The following PDGFD variants were observed in gnomAD, a reference collection of about 807,000 sequenced individuals.
PDGFD encodes platelet-derived growth factor D.
Under a neutral mutation model 44.7 loss-of-function variants are expected in PDGFD, and 30 were observed. The ratio of observed to expected loss-of-function variants is 0.67; its 90% CI spans 0.50 to 0.91. PDGFD has a LOEUF of 0.91. Ranked by LOEUF, PDGFD falls within the 40% of genes least tolerant of loss-of-function variation. The pLI is 0.00. For missense variants in PDGFD, 445 were observed against 457.8 expected (o/e 0.97, Z 0.25); for synonymous variants, 173 against 168.4 (o/e 1.03, Z -0.21).
At chr11:104,143,896 C>A (rs946825401) in intron 1 of PDGFD, among the ~76,000 whole-genome samples, 11 of 152,184 alleles carry the variant, frequency 7.2e-5, no homozygotes, top group Non-Finnish European at 1.6e-4. Flanking sequence ...GCTTAAATTT[C>A]TATCCTTTTT....
intron 1 of PDGFD, among the ~76,000 whole-genome samples, chr11:104,139,873 TAAAAAAA>T (rs1193661913): frequency 1.0e-4 from 2 of 19,866 alleles, no homozygotes; most frequent in Admixed American, 5.4e-4. Flanking sequence ...CCGTCTCTAC[TAAAAAAA>T]AAAAAAAAAA....
At chr11:103,953,221 T>C (rs552174714) in intron 3 of PDGFD, among the ~76,000 whole-genome samples, 298 of 148,628 alleles carry the variant, frequency 2.0e-3, no homozygotes, top group African/African-American at 6.9e-3. Context: ...CAAAATGTTA[T>C]ATAAATCTAA....
chr11:103,962,686 A>G (rs1348499506), intron 3 of PDGFD, among the ~76,000 whole-genome samples: 1 of 152,192 alleles, frequency 6.6e-6, no homozygotes, highest in African/African-American at 2.4e-5. Context: ...CAATTGAATT[A>G]CATATGGAAC....
intron 3 of PDGFD, among the ~76,000 whole-genome samples, chr11:103,987,663 T>G (rs1375427690): frequency 1.3e-5 from 2 of 152,342 alleles, no homozygotes; most frequent in African/African-American, 4.8e-5. Flanking sequence ...AAACTGCTAC[T>G]TTTGAGTCCT....
intron 6 of PDGFD, among the ~76,000 whole-genome samples, chr11:103,915,888 T>C (rs1312642257): frequency 6.6e-6 from 1 of 152,160 alleles, no homozygotes; most frequent in East Asian, 1.9e-4. Flanking sequence ...TGGCTAGCCA[T>C]ATGCAGAAAG....
At chr11:104,135,250 C>G (rs1591181416) in intron 1 of PDGFD, among the ~76,000 whole-genome samples, 1 of 152,104 alleles carries the variant, frequency 6.6e-6, no homozygotes, top group Non-Finnish European at 1.5e-5. Context: ...CTGGTATTGG[C>G]TGTTATGTGG....
At chr11:104,073,206 C>G (rs1187226177) in intron 1 of PDGFD, among the ~76,000 whole-genome samples, 1 of 152,010 alleles carries the variant, frequency 6.6e-6, no homozygotes, top group Admixed American at 6.6e-5. Flanking sequence ...TTCATGCTAC[C>G]AATTTTCTAG....
intron 1 of PDGFD, among the ~76,000 whole-genome samples, chr11:104,024,919 G>A (rs896087333): frequency 1.3e-5 from 2 of 152,186 alleles, no homozygotes; most frequent in African/African-American, 4.8e-5. Flanking sequence ...AAGCTATATT[G>A]CTCAATTTAA....
chr11:104,012,912 G>A (rs923656448), intron 1 of PDGFD, among the ~76,000 whole-genome samples: 2 of 152,190 alleles, frequency 1.3e-5, no homozygotes, highest in South Asian at 2.1e-4. Context: ...AGAAGAGCAC[G>A]TTTCCCCTGC....
chr11:104,102,183 C>T (rs1351672353), intron 1 of PDGFD, among the ~76,000 whole-genome samples: 1 of 152,144 alleles, frequency 6.6e-6, no homozygotes, highest in African/African-American at 2.4e-5. Flanking sequence ...ACTCATCTGA[C>T]AAAGGGCTAA....
intron 1 of PDGFD, among the ~76,000 whole-genome samples, chr11:104,093,816 C>T (rs1386742828): frequency 2.0e-5 from 3 of 150,882 alleles, no homozygotes; most frequent in Non-Finnish European, 3.0e-5. Context: ...CTGAATCCCA[C>T]TCTTTGGCTT....
At chr11:104,152,517 C>A (rs1398082124) in intron 1 of PDGFD, among the ~76,000 whole-genome samples, 1 of 152,094 alleles carries the variant, frequency 6.6e-6, no homozygotes, top group Non-Finnish European at 1.5e-5. Flanking sequence ...CTTGTTTCCT[C>A]ATCCTTAATT....
At chr11:103,982,866 G>C (rs115979304) in intron 3 of PDGFD, among the ~76,000 whole-genome samples, 2,514 of 151,402 alleles carry the variant, frequency 0.017, 123 homozygotes, top group African/African-American at 0.055. Context: ...AAGTGGGAAG[G>C]TGAAAGATCC....
intron 1 of PDGFD, among the ~76,000 whole-genome samples, chr11:104,133,824 G>A (rs551198): frequency 0.65 from 98,672 of 152,010 alleles, 32,610 homozygotes; most frequent in African/African-American, 0.78. Flanking sequence ...GCTCTGTAAC[G>A]TGCTATTATG....
At chr11:103,913,380 A>G (rs1001935959) in intron 6 of PDGFD, among the ~76,000 whole-genome samples, 3 of 152,220 alleles carry the variant, frequency 2.0e-5, no homozygotes, top group Non-Finnish European at 4.4e-5. Flanking sequence ...TGGAAACTGA[A>G]CAACCTGCTC....
chr11:104,092,308 T>A (rs576330610), intron 1 of PDGFD, among the ~76,000 whole-genome samples: 16 of 152,322 alleles, frequency 1.1e-4, no homozygotes, highest in African/African-American at 3.8e-4. Context: ...CTGGGCTTAT[T>A]AACTCATTAA....
intron 1 of PDGFD, among the ~76,000 whole-genome samples, chr11:104,120,804 C>T (rs995946567): frequency 6.6e-6 from 1 of 151,882 alleles, no homozygotes; most frequent in Non-Finnish European, 1.5e-5. Context: ...ATTTTTTTCC[C>T]ACTATCCTGT....
At chr11:104,158,489 G>A (rs1190641524) in intron 1 of PDGFD, among the ~76,000 whole-genome samples, 1 of 152,234 alleles carries the variant, frequency 6.6e-6, no homozygotes, top group Non-Finnish European at 1.5e-5. Context: ...TATTGTGCCA[G>A]ATGCTCAGTT....
At chr11:103,965,758 T>C (rs1859009616) in intron 3 of PDGFD, among the ~76,000 whole-genome samples, 1 of 152,136 alleles carries the variant, frequency 6.6e-6, no homozygotes, top group South Asian at 2.1e-4. Flanking sequence ...GTCCTATCAT[T>C]CTGACTGACA....
Sources: allele counts gnomAD v4.1 joint callset (sites outside exome capture counted in the v4.1 genomes callset), GRCh38; gene constraint gnomAD v4.1.1; transcripts MANE v1.5; gene names NCBI Gene and HGNC (gene_info 2026-07-23, HGNC 2026-07-21).